The following DTNA variants were observed in gnomAD, a reference collection of about 807,000 sequenced individuals.
DTNA encodes the protein dystrobrevin alpha.
DTNA carries 43 observed loss-of-function variants against 100.7 expected under a neutral mutation model. That is an observed-to-expected ratio of 0.43 (90% CI 0.33 to 0.55). DTNA has a LOEUF of 0.55. DTNA is among the 20% of genes least tolerant of loss of function. DTNA has a pLI of 0.04. For synonymous variants in DTNA, 349 were observed against 347.9 expected (o/e 1.00, Z -0.04); for missense variants, 798 against 953.9 (o/e 0.84, Z 2.15).
In DTNA at chr18:34,594,347, A is replaced by G. The variant is rs113866507; in HGVS notation, c.-2+100833A>G. ...TATAGGTTTTGTTTCTTGTTTTGTC[A>G]AATGACCTCTCCCTCTGCTCTTAGA... is the stretch of plus-strand genomic sequence containing the variant. On this transcript the variant is annotated intron_variant, in intron 1 of 19. Transcript: ENST00000283365. Among the ~76,000 whole-genome samples the G allele has an allele frequency of 2.6e-3, 392 of 152,334 alleles. 4 individuals carry two copies. The highest frequency in any genetic ancestry group is 8.8e-3 in the African/African-American group (364 of 41,586).
At chr18:34,527,462 C>T (rs2042737776) in intron 1 of DTNA, among the ~76,000 whole-genome samples, 1 of 151,966 alleles carries the variant, frequency 6.6e-6, no homozygotes, top group African/African-American at 2.4e-5. Flanking sequence ...GAAACTTCAG[C>T]AAAATGAGAC....
chr18:34,875,200 C>T (rs1182592329), intron 17 of DTNA, 39 bp from the exon 18 acceptor site: 1 of 1,609,238 alleles, frequency 6.2e-7, no homozygotes, highest in South Asian at 1.1e-5. Flanking sequence ...ATGACATTTT[C>T]TTGGGAAAGC....
At chr18:34,548,488 G>A (rs920090786) in intron 1 of DTNA, among the ~76,000 whole-genome samples, 3 of 152,038 alleles carry the variant, frequency 2.0e-5, no homozygotes, top group Non-Finnish European at 4.4e-5. Flanking sequence ...ATTTTATAAG[G>A]CATTTTACAA....
At chr18:34,563,903 A>G (rs2046856833) in intron 1 of DTNA, among the ~76,000 whole-genome samples, 1 of 152,168 alleles carries the variant, frequency 6.6e-6, no homozygotes, top group Non-Finnish European at 1.5e-5. Flanking sequence ...AGTTCATTCT[A>G]TCCTTACACT....
chr18:34,555,511 T>C (rs2045934562), intron 1 of DTNA, among the ~76,000 whole-genome samples: 1 of 152,196 alleles, frequency 6.6e-6, no homozygotes, highest in South Asian at 2.1e-4. Context: ...TTGTGGACAT[T>C]TAGTGCTATA....
chr18:34,804,648 G>A (rs1188464994), intron 4 of DTNA, among the ~76,000 whole-genome samples: 2 of 152,196 alleles, frequency 1.3e-5, no homozygotes, highest in African/African-American at 4.8e-5. Context: ...ACTGCAGGAG[G>A]AACAGCAGGT....
intron 1 of DTNA, among the ~76,000 whole-genome samples, chr18:34,752,168 G>A (rs1360794335): frequency 1.3e-5 from 2 of 152,228 alleles, no homozygotes; most frequent in African/African-American, 4.8e-5. Context: ...TGAGCCATGT[G>A]CCCTGTGGTA....
chr18:34,858,292 T>G lies in DTNA; in HGVS notation c.1540T>G (p.Leu514Val). The change falls in exon 16 of 23, where the codon TTA (leucine) becomes GTA (valine). Residue 514 changes from leucine (L) to valine (V), a missense_variant. Physicochemically the swap from Leu to Val is conservative, Grantham distance 32 (BLOSUM62 1). This residue lies in a region of DTNA where 159 missense variants were observed against 201.2 expected (regional missense o/e 0.79). Coordinates refer to ENST00000444659, the MANE Select transcript of DTNA (RefSeq NM_001386795.1). ...TTCCTCCTCTCTCCCAAGAGAAATC[T>G]TACAGGAGATCCAGAGACTTCGGCT... ...AELENKNREI[L>V]QEIQRLRLEH... 1 of 1,614,136 alleles carries G rather than the reference T, an allele frequency of 6.2e-7. No homozygotes were observed. Among genetic ancestry groups the G allele is most frequent in the Non-Finnish European group, 8.5e-7 (1 of 1,180,012 alleles).
intron 1 of DTNA, among the ~76,000 whole-genome samples, chr18:34,684,923 T>G (rs1042529979): frequency 6.6e-6 from 1 of 152,164 alleles, no homozygotes; most frequent in Non-Finnish European, 1.5e-5. Context: ...TTTTCATATG[T>G]TTTTTGGCCG....
chr18:34,864,630 A>G (rs1020239668), intron 17 of DTNA, among the ~76,000 whole-genome samples: 14 of 152,198 alleles, frequency 9.2e-5, no homozygotes, highest in Non-Finnish European at 1.6e-4. Context: ...GCTTATTTCC[A>G]GTTTCTTTAT....
intron 17 of DTNA, among the ~76,000 whole-genome samples, chr18:34,870,603 C>T (rs2096755723): frequency 6.6e-6 from 1 of 152,058 alleles, no homozygotes; most frequent in Non-Finnish European, 1.5e-5. Flanking sequence ...GCTTAAAAAC[C>T]TAGGAAGATG....
At chr18:34,666,468 T>C (rs1291310634) in intron 1 of DTNA, among the ~76,000 whole-genome samples, 3 of 152,030 alleles carry the variant, frequency 2.0e-5, no homozygotes, top group Non-Finnish European at 4.4e-5. Context: ...GCCATTGCTT[T>C]TGGTGTTTTA....
chr18:34,633,153 A>G (rs946554536), intron 1 of DTNA, among the ~76,000 whole-genome samples: 1 of 152,202 alleles, frequency 6.6e-6, no homozygotes, highest in African/African-American at 2.4e-5. Flanking sequence ...GATTAAGACA[A>G]TTCTTTACAG....
intron 4 of DTNA, among the ~76,000 whole-genome samples, chr18:34,801,836 T>C (rs942005426): frequency 5.3e-5 from 8 of 152,232 alleles, no homozygotes; most frequent in African/African-American, 1.4e-4. Flanking sequence ...TAAAATGATA[T>C]ACTAATATTA....
intron 1 of DTNA, among the ~76,000 whole-genome samples, chr18:34,507,727 A>C (rs2040629796): frequency 6.6e-6 from 1 of 152,152 alleles, no homozygotes; most frequent in Admixed American, 6.5e-5. Context: ...ACTCTTTGTT[A>C]ATGCAAATTC....
chr18:34,721,915 A>G (rs2085417252), intron 1 of DTNA, among the ~76,000 whole-genome samples: 1 of 152,320 alleles, frequency 6.6e-6, no homozygotes, highest in South Asian at 2.1e-4. Flanking sequence ...ACCAGTGATT[A>G]AAGTCTGGGC....
chr18:34,500,549 C>T (rs962903118), intron 1 of DTNA, among the ~76,000 whole-genome samples: 1 of 151,358 alleles, frequency 6.6e-6, no homozygotes, highest in Non-Finnish European at 1.5e-5. Context: ...CTGCAACCTC[C>T]GCCTCCCCGA....
chr18:34,691,417 A>G (rs1367901423), intron 1 of DTNA, among the ~76,000 whole-genome samples: 1 of 152,196 alleles, frequency 6.6e-6, no homozygotes, highest in Non-Finnish European at 1.5e-5. Context: ...CCAAGCTGAA[A>G]AGATAAGTCT....
At chr18:34,598,687 C>T (rs2051143546) in intron 1 of DTNA, among the ~76,000 whole-genome samples, 1 of 152,016 alleles carries the variant, frequency 6.6e-6, no homozygotes, top group South Asian at 2.1e-4. Context: ...CACGGTGAAA[C>T]CCCATCTCTA....
Sources: gnomAD v4.1 joint callset for allele counts (sites outside exome capture counted in the v4.1 genomes callset) on GRCh38, gnomAD v4.1.1 for gene constraint, gnomAD v4.1.1 regional missense constraint, MANE v1.5 for transcripts, NCBI Gene and HGNC (gene_info 2026-07-23, HGNC 2026-07-21) for gene names.